CAST: variants seen among roughly 807,000 people sequenced by gnomAD.
CAST encodes the protein MIR583 host.
In CAST, 76 loss-of-function variants were observed where a neutral mutation model predicts 119.6. The observed-to-expected ratio is 0.64, with a 90% CI of 0.53 to 0.77. The LOEUF is 0.77. Ranked by LOEUF, CAST falls within the 30% of genes least tolerant of loss-of-function variation. CAST has a pLI of 0.00. For missense variants in CAST, 953 were observed against 946.5 expected (o/e 1.01, Z -0.09); for synonymous variants, 319 against 331.6 (o/e 0.96, Z 0.41).
chr5:96,522,669 A>G (rs1450414621), upstream of CAST, among the ~76,000 whole-genome samples: 4 of 152,290 alleles, frequency 2.6e-5, no homozygotes, highest in East Asian at 7.7e-4. Context: ...ATAGGACCTC[A>G]AACTTTTTGC....
At chr5:96,144,697 CT>C in the CAST span, among the ~76,000 whole-genome samples, 1 of 148,512 alleles carries the variant, frequency 6.7e-6, no homozygotes, top group Admixed American at 6.7e-5. Flanking sequence ...TAGACGGAGT[CT>C]CATTGTGTCA....
At chr5:96,040,500 G>T in the CAST span, among the ~76,000 whole-genome samples, 1 of 152,070 alleles carries the variant, frequency 6.6e-6, no homozygotes, top group Non-Finnish European at 1.5e-5. Flanking sequence ...TATGATATTG[G>T]CTGTAGGTTT....
At chr5:96,768,371 AC>A (rs1399934664) in intron 29 of CAST, 23 of 453,514 alleles carry the variant, frequency 5.1e-5, no homozygotes, top group Non-Finnish European at 8.8e-5. Context: ...GGCTTGAGCC[AC>A]TGCGCCTGGC....
chr5:96,684,820 T>A (rs1288850825), intron 2 of CAST, among the ~76,000 whole-genome samples: 1 of 152,126 alleles, frequency 6.6e-6, no homozygotes, highest in Non-Finnish European at 1.5e-5. Context: ...TCTGCCCACC[T>A]TGGACTCCCA....
chr5:96,431,386 G>A, the CAST span, among the ~76,000 whole-genome samples: 1 of 152,116 alleles, frequency 6.6e-6, no homozygotes, highest in Non-Finnish European at 1.5e-5. Context: ...CACCCCTCCC[G>A]AATTCCCTAC....
the CAST span, among the ~76,000 whole-genome samples, chr5:96,060,546 C>T: frequency 5.9e-5 from 9 of 152,034 alleles, no homozygotes; most frequent in Admixed American, 2.6e-4. Flanking sequence ...TCGGCCTCTT[C>T]GAGTTCTGGA....
chr5:96,011,471 T>A, the CAST span, among the ~76,000 whole-genome samples: 1 of 152,176 alleles, frequency 6.6e-6, no homozygotes, highest in Non-Finnish European at 1.5e-5. Flanking sequence ...TAGTTGCCCA[T>A]GTGAGAAAGA....
intron 4 of CAST, among the ~76,000 whole-genome samples, chr5:96,725,452 T>C (rs964960399): frequency 6.6e-6 from 1 of 152,218 alleles, no homozygotes; most frequent in Non-Finnish European, 1.5e-5. Context: ...ACCATGGATG[T>C]CTTTAGGGAG....
chr5:96,111,572 G>A, the CAST span, among the ~76,000 whole-genome samples: 3 of 152,200 alleles, frequency 2.0e-5, no homozygotes, highest in African/African-American at 7.2e-5. Context: ...AAACTCAGGT[G>A]TGGTTGGAAG....
At chr5:96,725,276 A>G (rs1056419851) in intron 4 of CAST, among the ~76,000 whole-genome samples, 1 of 152,216 alleles carries the variant, frequency 6.6e-6, no homozygotes, top group African/African-American at 2.4e-5. Context: ...TTATCTGTAC[A>G]GTTTGGAGGA....
chr5:96,400,855 A>T, the CAST span, among the ~76,000 whole-genome samples: 49,128 of 150,842 alleles, frequency 0.33, 8,530 homozygotes, highest in African/African-American at 0.48. Flanking sequence ...TGGGAGGCCG[A>T]GGCGGGCGGA....
the CAST span, among the ~76,000 whole-genome samples, chr5:96,035,045 ATATATATATATATATATATTTAAG>A: frequency 0.026 from 2,599 of 98,404 alleles, 71 homozygotes; most frequent in South Asian, 0.11. Context: ...ATTTAAGTAT[ATATATATATATATATATATTTAAG>A]TATATATATA....
intron 19 of CAST, 113 bp downstream of exon 19, chr5:96,748,726 C>T (rs1157215983): frequency 5.4e-6 from 3 of 553,066 alleles, no homozygotes; most frequent in African/African-American, 3.9e-5. Flanking sequence ...AATATGCCAT[C>T]GTTTTTTCCA....
At chr5:96,236,055 C>T in the CAST span, among the ~76,000 whole-genome samples, 672 of 152,176 alleles carry the variant, frequency 4.4e-3, 5 homozygotes, top group African/African-American at 0.015. Flanking sequence ...GTTATAATTA[C>T]TTCTTATTAA....
chr5:96,217,886 T>A, the CAST span, among the ~76,000 whole-genome samples: 1 of 152,206 alleles, frequency 6.6e-6, no homozygotes, highest in Admixed American at 6.5e-5. Context: ...AGACATTGGT[T>A]ACGAGGGTCT....
At chr5:96,446,175 T>C in the CAST span, among the ~76,000 whole-genome samples, 16 of 120,776 alleles carry the variant, frequency 1.3e-4, no homozygotes, top group African/African-American at 1.9e-4. Flanking sequence ...TAATTTTTAG[T>C]GTACAAAAAA....
intron 1 of CAST, among the ~76,000 whole-genome samples, chr5:96,547,563 G>A (rs146713575): frequency 3.3e-4 from 50 of 152,298 alleles, no homozygotes; most frequent in African/African-American, 1.2e-3. Flanking sequence ...TGATTCAAAT[G>A]CTAATTTCTG....
intron 1 of CAST, among the ~76,000 whole-genome samples, chr5:96,554,788 A>T (rs1028878694): frequency 2.0e-5 from 3 of 152,250 alleles, no homozygotes; most frequent in African/African-American, 7.2e-5. Context: ...TGCAGCCAAC[A>T]GACATAAGAA....
chr5:96,093,247 C>A, the CAST span, among the ~76,000 whole-genome samples: 1 of 152,102 alleles, frequency 6.6e-6, no homozygotes, highest in Non-Finnish European at 1.5e-5. Context: ...AAGTCTAGGG[C>A]ATATATGAAA....
Sources: allele counts gnomAD v4.1 joint callset (sites outside exome capture counted in the v4.1 genomes callset), GRCh38; gene constraint gnomAD v4.1.1; transcripts MANE v1.5; gene names NCBI Gene and HGNC (gene_info 2026-07-23, HGNC 2026-07-21).